The following ENPP6 variants were observed in gnomAD, a reference collection of about 807,000 sequenced individuals.
The protein encoded by ENPP6 is ectonucleotide pyrophosphatase/phosphodiesterase 6, also known as glycerophosphocholine cholinephosphodiesterase ENPP6.
A neutral mutation model predicts 42.0 loss-of-function variants in ENPP6; 32 were observed. The ratio of observed to expected loss-of-function variants is 0.76; its 90% confidence interval spans 0.58 to 1.02. The LOEUF (loss-of-function observed/expected upper bound fraction) is 1.02. Among genes scored for constraint, ENPP6 ranks in the 50% least tolerant of loss-of-function variants. The pLI is 0.00. For missense variants in ENPP6, 552 were observed against 566.8 expected (o/e 0.97, Z 0.27); for synonymous variants, 213 against 216.0 (o/e 0.99, Z 0.12).
intron 1 of ENPP6, among the ~76,000 whole-genome samples, chr4:184,187,702 CTGACATTGTT>C (rs1732655896): frequency 6.6e-6 from 1 of 151,882 alleles, no homozygotes; most frequent in African/African-American, 2.4e-5. Context: ...TTATTACCAC[CTGACATTGTT>C]TATATATGTG....
At chr4:184,109,823 T>G (rs577345105) in intron 6 of ENPP6, among the ~76,000 whole-genome samples, 2 of 151,750 alleles carry the variant, frequency 1.3e-5, no homozygotes, top group East Asian at 3.9e-4. Flanking sequence ...ACTGATGGTC[T>G]CACTTCTGAT....
intron 1 of ENPP6, among the ~76,000 whole-genome samples, chr4:184,189,091 A>G (rs530275593): frequency 6.6e-6 from 1 of 152,356 alleles, no homozygotes; most frequent in Non-Finnish European, 1.5e-5. Context: ...CTGCACACTA[A>G]GAGAGCTGGG....
intron 2 of ENPP6, among the ~76,000 whole-genome samples, chr4:184,130,152 T>C (rs1736570486): frequency 6.6e-6 from 1 of 152,110 alleles, no homozygotes; most frequent in African/African-American, 2.4e-5. Flanking sequence ...CTTCTCCAGT[T>C]TGGAATGCGG....
chr4:184,165,714 G>C (rs567051826), intron 1 of ENPP6, among the ~76,000 whole-genome samples: 6 of 152,238 alleles, frequency 3.9e-5, no homozygotes, highest in Non-Finnish European at 1.5e-5. Context: ...CCTCTGGAAA[G>C]AAGCCAGCTG....
intron 1 of ENPP6, among the ~76,000 whole-genome samples, chr4:184,210,885 A>G (rs1487343538): frequency 6.6e-6 from 1 of 152,146 alleles, no homozygotes; most frequent in African/African-American, 2.4e-5. Context: ...ATAATAAACT[A>G]TCTCTCAGAC....
chr4:184,207,714 T>TC (rs1196977742), intron 1 of ENPP6, among the ~76,000 whole-genome samples: 5 of 152,236 alleles, frequency 3.3e-5, no homozygotes, highest in African/African-American at 1.2e-4. Context: ...ACGCCTCCTC[T>TC]CCCTGGTCCT....
intron 6 of ENPP6, among the ~76,000 whole-genome samples, chr4:184,101,980 G>C (rs1054062231): frequency 1.3e-5 from 2 of 152,194 alleles, no homozygotes; most frequent in Non-Finnish European, 2.9e-5. Flanking sequence ...CTCTCTGGGC[G>C]CCTGCACTCC....
At chr4:184,165,012 T>G (rs566887733) in intron 1 of ENPP6, among the ~76,000 whole-genome samples, 61 of 152,306 alleles carry the variant, frequency 4.0e-4, no homozygotes, top group African/African-American at 1.3e-3. Flanking sequence ...CTTGCTATCA[T>G]GCACTCTGTG....
intron 1 of ENPP6, among the ~76,000 whole-genome samples, chr4:184,168,175 T>C (rs533483420): frequency 3.3e-5 from 5 of 152,294 alleles, no homozygotes; most frequent in Admixed American, 6.5e-5. Flanking sequence ...TTCCACTTTA[T>C]TGATCCTCAG....
chr4:184,097,770 T>C (rs1244866503), intron 6 of ENPP6, among the ~76,000 whole-genome samples: 2 of 152,166 alleles, frequency 1.3e-5, no homozygotes, highest in Admixed American at 6.5e-5. Context: ...GATAAGAATG[T>C]CTTTCGCTTT....
At chr4:184,132,809 A>G (rs1736660357) in intron 2 of ENPP6, among the ~76,000 whole-genome samples, 1 of 132,158 alleles carries the variant, frequency 7.6e-6, no homozygotes, top group Admixed American at 8.9e-5. Context: ...ATATACATAT[A>G]TACATATATA....
chr4:184,169,808 C>T (rs1250456559), intron 1 of ENPP6, among the ~76,000 whole-genome samples: 3 of 152,242 alleles, frequency 2.0e-5, no homozygotes, highest in East Asian at 1.9e-4. Flanking sequence ...TTACCTCTCA[C>T]GAAGAGCTTA....
At chr4:184,096,694 T>C (rs1305114636) in intron 7 of ENPP6, among the ~76,000 whole-genome samples, 1 of 152,184 alleles carries the variant, frequency 6.6e-6, no homozygotes, top group African/African-American at 2.4e-5. Context: ...TTTGCTCTCA[T>C]GCAAGGCAAC....
chr4:184,122,904 C>G (rs1016708036), intron 3 of ENPP6, among the ~76,000 whole-genome samples: 4 of 152,232 alleles, frequency 2.6e-5, no homozygotes, highest in Non-Finnish European at 5.9e-5. Context: ...ATCTGCTACA[C>G]GTGCTGTGCT....
intron 4 of ENPP6, among the ~76,000 whole-genome samples, 161 bp downstream of exon 4, chr4:184,117,598 C>T (rs948469774): frequency 9.2e-5 from 14 of 152,172 alleles, no homozygotes; most frequent in East Asian, 1.9e-4. Context: ...CACTTGGTAT[C>T]GCAGGAGGCA....
At chr4:184,124,087 A>C (rs1324381767) in intron 3 of ENPP6, 74 bp downstream of exon 3, 1 of 1,186,746 alleles carries the variant, frequency 8.4e-7, no homozygotes, top group African/African-American at 1.5e-5. Flanking sequence ...AAGCCCTCTT[A>C]ATTCACTTTA....
chr4:184,184,615 G>A lies in ENPP6; in HGVS notation c.242-30882C>T, dbSNP rs1323926625. 6.6e-6 allele frequency among the ~76,000 whole-genome samples: 1 copy of A among 152,152 alleles called. No homozygotes were observed. Among genetic ancestry groups the A allele is most frequent in the Non-Finnish European group, 1.5e-5 (1 of 68,032 alleles). ...CTTAGCAGATGTCACTAAGTTAAGGGTTTCAGGATGAGGTCGTCCTGGGTG... is the reference window on the plus strand; with the variant it reads ...CTTAGCAGATGTCACTAAGTTAAGGATTTCAGGATGAGGTCGTCCTGGGTG... On this transcript the variant is annotated intron_variant, in intron 1 of 7. Coordinates refer to ENST00000296741, the MANE Select transcript of ENPP6 (RefSeq NM_153343.4). This position sits in a 1 kb window ranked among gnomAD's most constrained non-coding sequence, Gnocchi z 4.7.
At chr4:184,162,339 T>G (rs950046629) in intron 1 of ENPP6, among the ~76,000 whole-genome samples, 6 of 152,122 alleles carry the variant, frequency 3.9e-5, no homozygotes, top group Non-Finnish European at 7.4e-5. Context: ...AATGCATGAC[T>G]ATTGTTGGAT....
intron 3 of ENPP6, among the ~76,000 whole-genome samples, chr4:184,118,992 T>C (rs1167472194): frequency 1.3e-5 from 2 of 152,214 alleles, no homozygotes; most frequent in East Asian, 1.9e-4. Flanking sequence ...TTCTTTCCAT[T>C]TTTCTTACTA....
Sources: gnomAD v4.1 joint callset for allele counts (sites outside exome capture counted in the v4.1 genomes callset) on GRCh38, gnomAD v4.1.1 for gene constraint, Gnocchi (gnomAD v3.1) non-coding constraint, MANE v1.5 for transcripts, NCBI Gene and HGNC (gene_info 2026-07-23, HGNC 2026-07-21) for gene names.